Variants in TSHZ2 observed in about 807,000 individuals in gnomAD.
TSHZ2 encodes teashirt homolog 2.
In TSHZ2, 21 loss-of-function variants were observed where a neutral mutation model predicts 74.4. The observed-to-expected ratio is 0.28, with a 90% CI of 0.20 to 0.41. The LOEUF is 0.41. Ranked by LOEUF, TSHZ2 falls within the 10% of genes least tolerant of loss-of-function variation. The pLI, the probability that TSHZ2 is intolerant of heterozygous loss-of-function variation, is 1.00. For missense variants in TSHZ2, 1,244 were observed against 1,293.5 expected (o/e 0.96, Z 0.59); for synonymous variants, 540 against 515.3 (o/e 1.05, Z -0.65).
At chr20:53,172,518 AAAG>A (rs2123488122) in intron 1 of TSHZ2, among the ~76,000 whole-genome samples, 1 of 152,316 alleles carries the variant, frequency 6.6e-6, no homozygotes, top group South Asian at 2.1e-4. Context: ...ATAAGAGAGA[AAAG>A]AAAAAGTTCC....
At chr20:53,185,635 A>AT (rs1988581116) in intron 1 of TSHZ2, 1 of 1,535,846 alleles carries the variant, frequency 6.5e-7, no homozygotes, top group Non-Finnish European at 8.7e-7. Context: ...AAGAAAAAAA[A>AT]GAAAGAAAAG....
At chr20:53,391,955 C>CA (rs1169465403) in intron 2 of TSHZ2, among the ~76,000 whole-genome samples, 1 of 151,556 alleles carries the variant, frequency 6.6e-6, no homozygotes, top group African/African-American at 2.4e-5. Context: ...ACAAAACAAA[C>CA]AAAAAAAGAA....
chr20:53,348,071 T>C (rs1980507129), intron 2 of TSHZ2, among the ~76,000 whole-genome samples: 1 of 152,188 alleles, frequency 6.6e-6, no homozygotes, highest in African/African-American at 2.4e-5. Flanking sequence ...ATACAATAAG[T>C]GAACCTTTGT....
At chr20:53,234,973 C>T (rs1341602326) in intron 1 of TSHZ2, among the ~76,000 whole-genome samples, 1 of 151,972 alleles carries the variant, frequency 6.6e-6, no homozygotes, top group Non-Finnish European at 1.5e-5. Context: ...AGGATGGGAT[C>T]AATTCATGGA....
At chr20:53,459,638 G>A (rs1314705660) in intron 2 of TSHZ2, among the ~76,000 whole-genome samples, 1 of 142,216 alleles carries the variant, frequency 7.0e-6, no homozygotes, top group Non-Finnish European at 1.5e-5. Context: ...AGTTGATGCA[G>A]TTTCTTCCTA....
Position 53,256,191 on chromosome 20 carries a change from C to A in TSHZ2, c.2733C>A (p.Gly911=). ...TCAAGTACCAGCTTAGGAAAACGGG[C>A]GGGACAAAATTTCTGAAAAACATGG... ...ANVKYQLRKT[G]GTKFLKNMDK... Residue 911 remains glycine, a synonymous_variant, in exon 2 of 3, where the codon GGC becomes GGA. Coordinates refer to ENST00000371497, the MANE Select transcript of TSHZ2 (RefSeq NM_173485.6). This position sits in a 1 kb window ranked among gnomAD's most constrained non-coding sequence, Gnocchi z 4.3. 1 of 1,612,294 alleles carries A rather than the reference C, an allele frequency of 6.2e-7. No individual in the cohort carries two copies.
At position 53,299,369 on chromosome 20, in the gene TSHZ2, G is replaced by A. The variant is rs142959852; in HGVS notation, c.*8+42798G>A. 1.0e-3 allele frequency among the ~76,000 whole-genome samples: 157 copies of A among 152,222 alleles called. 1 individual carries two copies. Among genetic ancestry groups the A allele is most frequent in the African/African-American group, 3.5e-3 (145 of 41,542 alleles). On this transcript the variant is annotated intron_variant, in intron 2 of 2. Coordinates refer to ENST00000371497, the MANE Select transcript of TSHZ2 (RefSeq NM_173485.6). ...CAATGACTCCTCAGCTCACCACTGC[G>A]TTTTTGTGGATATGATTGTCTTTAC... is the stretch of plus-strand genomic sequence containing the variant.
intron 2 of TSHZ2, among the ~76,000 whole-genome samples, chr20:53,285,114 C>T (rs1054471448): frequency 6.6e-6 from 1 of 152,280 alleles, no homozygotes; most frequent in Middle Eastern, 3.4e-3. Context: ...GAAGTTGTAG[C>T]TACCACCATT....
At chr20:53,470,101 G>A (rs557935874) in intron 2 of TSHZ2, among the ~76,000 whole-genome samples, 5 of 152,214 alleles carry the variant, frequency 3.3e-5, no homozygotes, top group East Asian at 1.9e-4. Context: ...CTCCCTTTCC[G>A]ACAGCAATTA....
intron 1 of TSHZ2, among the ~76,000 whole-genome samples, chr20:53,221,946 T>C (rs1989569643): frequency 6.6e-6 from 1 of 152,246 alleles, no homozygotes; most frequent in Admixed American, 6.5e-5. Context: ...CAACTGCTAA[T>C]GCCTTACAGA....
At chr20:53,284,236 C>G (rs533659318) in intron 2 of TSHZ2, among the ~76,000 whole-genome samples, 1 of 152,158 alleles carries the variant, frequency 6.6e-6, no homozygotes, top group African/African-American at 2.4e-5. Flanking sequence ...TAGTTACGCA[C>G]GCCCATCTTT....
intron 2 of TSHZ2, among the ~76,000 whole-genome samples, chr20:53,403,109 C>T (rs565271277): frequency 3.3e-5 from 5 of 152,226 alleles, no homozygotes; most frequent in African/African-American, 7.2e-5. Context: ...ATGTTACCAC[C>T]GTACATGCTC....
chr20:53,477,617 T>C (rs1021493188), intron 2 of TSHZ2, among the ~76,000 whole-genome samples: 3 of 148,374 alleles, frequency 2.0e-5, no homozygotes, highest in African/African-American at 7.6e-5. Flanking sequence ...ACTTCATGTC[T>C]AAAACACCAA....
intron 1 of TSHZ2, among the ~76,000 whole-genome samples, chr20:53,184,118 G>A (rs568235607): frequency 2.2e-4 from 34 of 152,208 alleles, no homozygotes; most frequent in African/African-American, 7.9e-4. Flanking sequence ...CTCTCTTTGT[G>A]GCCTCTTGTG....
chr20:53,151,818 C>G (rs1329413132), intron 1 of TSHZ2, among the ~76,000 whole-genome samples: 1 of 152,098 alleles, frequency 6.6e-6, no homozygotes, highest in Non-Finnish European at 1.5e-5. Flanking sequence ...ATAATTGATA[C>G]ATATGGATAC....
chr20:53,037,327 T>G (rs900069469), intron 1 of TSHZ2, among the ~76,000 whole-genome samples: 2 of 152,160 alleles, frequency 1.3e-5, no homozygotes, highest in African/African-American at 4.8e-5. Context: ...AATCCCTAAG[T>G]CAAACTGTGG....
intron 1 of TSHZ2, chr20:53,185,514 T>G: frequency 7.1e-7 from 1 of 1,399,250 alleles, no homozygotes; most frequent in Non-Finnish European, 9.5e-7. Context: ...CTCAGGAGGC[T>G]GAGGCAGGAG....
intron 2 of TSHZ2, among the ~76,000 whole-genome samples, chr20:53,405,760 C>T (rs1358178278): frequency 6.6e-6 from 1 of 152,010 alleles, no homozygotes; most frequent in Non-Finnish European, 1.5e-5. Flanking sequence ...TTTCAGGAGG[C>T]CAAGGTGGGT....
chr20:53,258,469 T>C (rs777274320), intron 2 of TSHZ2, among the ~76,000 whole-genome samples: 7 of 152,216 alleles, frequency 4.6e-5, no homozygotes, highest in Non-Finnish European at 8.8e-5. Context: ...AGGTAATATT[T>C]ATTTGTACTA....
Sources: gnomAD v4.1 joint callset for allele counts (sites outside exome capture counted in the v4.1 genomes callset) on GRCh38, gnomAD v4.1.1 for gene constraint, Gnocchi (gnomAD v3.1) non-coding constraint, MANE v1.5 for transcripts, NCBI Gene and HGNC (gene_info 2026-07-23, HGNC 2026-07-21) for gene names.